Variants in LSM14A observed in about 807,000 individuals in gnomAD.
LSM14A encodes the protein protein LSM14 homolog A.
In LSM14A, 14 loss-of-function variants were observed where a neutral mutation model predicts 52.4. The observed-to-expected ratio is 0.27, with a 90% CI of 0.18 to 0.42. LSM14A has a LOEUF of 0.42. Among genes scored for constraint, LSM14A ranks in the 10% least tolerant of loss-of-function variants. The pLI is 1.00. For missense variants in LSM14A, 417 were observed against 581.8 expected, an observed-to-expected ratio of 0.72 and a Z score of 2.91; for synonymous variants, 185 against 200.3, an observed-to-expected ratio of 0.92 and a Z score of 0.64.
intron 3 of LSM14A, chr19:34,208,672 C>T (rs1599702990): frequency 3.3e-6 from 1 of 303,130 alleles, no homozygotes; most frequent in Non-Finnish European, 6.1e-6. Flanking sequence ...CCTAGGACAG[C>T]ACTCCATGTG....
chr19:34,175,765 T>C (rs1181059636), intron 1 of LSM14A, among the ~76,000 whole-genome samples: 1 of 152,212 alleles, frequency 6.6e-6, no homozygotes, highest in African/African-American at 2.4e-5. Flanking sequence ...TAATTCGATA[T>C]CAGAAAATTT....
chr19:34,215,102 T>A, intron 4 of LSM14A, 22 bp from the exon 5 acceptor site: 1 of 1,585,050 alleles, frequency 6.3e-7, no homozygotes. Flanking sequence ...GGGTAGTTTG[T>A]TATCTTTTGG....
chr19:34,194,494 A>G lies in LSM14A; in HGVS notation c.138A>G (p.Thr46=). Residue 46 remains threonine (T), a synonymous_variant, in exon 2 of 10, where the codon ACA becomes ACG. Coordinates refer to ENST00000544216, the MANE Select transcript of LSM14A (RefSeq NM_015578.4). ...VALAKVRSFG[T]EDRPTDRPIP... is the part of the protein sequence containing the mutation. ...TCTTGCCAGTTCGATCCTTTGGTAC[A>G]GAAGACAGACCGACAGATCGTCCAA... 2 of 1,614,196 alleles carry G rather than the reference A, an allele frequency of 1.2e-6. No individual in the cohort carries two copies. The highest frequency in any genetic ancestry group is 1.7e-6 in the Non-Finnish European group (2 of 1,180,016).
chr19:34,226,330 C>T, intron 9 of LSM14A: 1 of 1,341,820 alleles, frequency 7.5e-7, no homozygotes, highest in South Asian at 1.4e-5. Flanking sequence ...CTCCTCTCCC[C>T]CTTTCATTTT....
At chr19:34,202,887 G>C (rs1383650981) in intron 3 of LSM14A, among the ~76,000 whole-genome samples, 1 of 152,096 alleles carries the variant, frequency 6.6e-6, no homozygotes, top group Non-Finnish European at 1.5e-5. Context: ...TCGATCTCCT[G>C]ACCTCGTGAT....
At chr19:34,209,958 G>A (rs1239780686) in intron 4 of LSM14A, among the ~76,000 whole-genome samples, 1 of 151,834 alleles carries the variant, frequency 6.6e-6, no homozygotes, top group Admixed American at 6.6e-5. Context: ...CCCCAAACAA[G>A]CCTCCCACTT....
intron 2 of LSM14A, chr19:34,195,198 CTTTTTTTT>C (rs34828620): frequency 7.2e-6 from 1 of 137,952 alleles, no homozygotes; most frequent in Non-Finnish European, 1.6e-5. Flanking sequence ...TTTTCTTTTT[CTTTTTTTT>C]TTTTTTTGAC....
intron 1 of LSM14A, among the ~76,000 whole-genome samples, chr19:34,187,889 T>C (rs2070048892): frequency 6.6e-6 from 1 of 152,130 alleles, no homozygotes; most frequent in Non-Finnish European, 1.5e-5. Flanking sequence ...TTGTTGTTGT[T>C]GTTGTTGTTT....
At chr19:34,221,461 A>G (rs777944590) in intron 8 of LSM14A, 46 bp from the exon 9 acceptor site, 2 of 1,573,492 alleles carry the variant, frequency 1.3e-6, no homozygotes, top group South Asian at 2.3e-5. Context: ...GCTGAGGGAT[A>G]TTCTTTTAAA....
At chr19:34,185,747 T>C (rs1391446544) in intron 1 of LSM14A, among the ~76,000 whole-genome samples, 1 of 152,254 alleles carries the variant, frequency 6.6e-6, no homozygotes, top group Non-Finnish European at 1.5e-5. Flanking sequence ...TCTCAGATAG[T>C]TTCAGCAAGA....
chr19:34,181,756 G>A (rs2069497316), intron 1 of LSM14A, among the ~76,000 whole-genome samples: 1 of 151,988 alleles, frequency 6.6e-6, no homozygotes, highest in Non-Finnish European at 1.5e-5. Context: ...CATCCATCTA[G>A]TTCCTGGTTT....
intron 4 of LSM14A, among the ~76,000 whole-genome samples, chr19:34,211,254 C>T (rs1031880208): frequency 4.0e-5 from 6 of 151,326 alleles, no homozygotes; most frequent in Admixed American, 1.3e-4. Context: ...GCCGAGATCA[C>T]GCTACTGCAC....
rs781018177 is a variant in LSM14A at position 34,196,690 on chromosome 19, C to T, written c.342C>T (p.Phe114=). Residue 114 remains phenylalanine, a synonymous_variant, in exon 3 of 10, where the codon TTC becomes TTT. Coordinates refer to ENST00000544216, the MANE Select transcript of LSM14A (RefSeq NM_015578.4). ...SFQSMGSYGP[F]GRMPTYSQFS... ...AGTCCATGGGTTCTTATGGACCTTT[C>T]GGCAGGATGCCCACATACAGTCAGT... 2.5e-6 allele frequency: 4 copies of T among 1,613,368 alleles called. No individual in the cohort carries two copies. Among genetic ancestry groups the T allele is most frequent in the African/African-American group, 1.3e-5 (1 of 74,802 alleles).
intron 3 of LSM14A, among the ~76,000 whole-genome samples, chr19:34,206,548 G>A (rs192880695): frequency 6.6e-6 from 1 of 151,900 alleles, no homozygotes; most frequent in Non-Finnish European, 1.5e-5. Flanking sequence ...GGTGGCGCGC[G>A]CCTGTAGTCC....
chr19:34,196,746 T>G lies in LSM14A; in HGVS notation c.398T>G (p.Phe133Cys). Residue 133 changes from phenylalanine (F) to cysteine (C), a missense_variant, in exon 3 of 10, where the codon TTT becomes TGT. Physicochemically the swap from Phe to Cys is radical, Grantham distance 205 (BLOSUM62 -2). Transcript: ENST00000544216. ...CCGAGTTCCTTAGTTGGGCAGCAGT[T>G]TGGTGCTGTTGGTGTTGGTATGTTT... The part of the protein sequence containing the change: ...FSPSSLVGQQ[F>C]GAVGVAGSSL... The G allele has an allele frequency of 1.2e-6, 2 of 1,602,032 alleles. No individual in the cohort carries two copies. The highest frequency in any genetic ancestry group is 2.2e-5 in the East Asian group (1 of 44,758).
At chr19:34,178,834 T>G (rs183754371) in intron 1 of LSM14A, among the ~76,000 whole-genome samples, 1 of 152,274 alleles carries the variant, frequency 6.6e-6, no homozygotes, top group Admixed American at 6.5e-5. Flanking sequence ...TGAAATCTAG[T>G]GACATAATTA....
At position 34,174,622 on chromosome 19, in the gene LSM14A, G is replaced by C. The variant is rs1599650437; in HGVS notation, c.121+1859G>C. Among the ~76,000 whole-genome samples the C allele has an allele frequency of 2.0e-5, 3 of 152,226 alleles. No homozygotes were observed. In the South Asian group the frequency reaches 6.2e-4, roughly 32 times the overall value. ...CCAGTGATGCTTCTTAAGTAACTTA[G>C]TTTTTGCTTGGCCTTATTTTGAATT... On this transcript the variant is annotated intron_variant, in intron 1 of 9. Coordinates refer to ENST00000544216, the MANE Select transcript of LSM14A (RefSeq NM_015578.4).
intron 1 of LSM14A, among the ~76,000 whole-genome samples, chr19:34,192,628 T>C (rs2070512071): frequency 2.2e-5 from 2 of 90,152 alleles, no homozygotes; most frequent in African/African-American, 4.6e-5. Flanking sequence ...CTGCATCAGT[T>C]CTGCAAAAAA....
At position 34,185,538 on chromosome 19, in the gene LSM14A, G is replaced by A. The variant is rs1227060814; in HGVS notation, c.122-8940G>A. On this transcript the variant is annotated intron_variant, in intron 1 of 9. Coordinates refer to ENST00000544216, the MANE Select transcript of LSM14A (RefSeq NM_015578.4). ...ATGTGGTTCCAAGAGCTGGACTGTC[G>A]AATCTTATTTTTGTAAAGCTCTGCT... Among the ~76,000 whole-genome samples the A allele has an allele frequency of 2.6e-5, 4 of 152,162 alleles. No individual in the cohort carries two copies. In the South Asian group the frequency reaches 6.2e-4, roughly 24 times the overall value.
Sources: gnomAD v4.1 joint callset for allele counts (sites outside exome capture counted in the v4.1 genomes callset) on GRCh38, gnomAD v4.1.1 for gene constraint, MANE v1.5 for transcripts, NCBI Gene and HGNC (gene_info 2026-07-23, HGNC 2026-07-21) for gene names.